Variants in DNMT3B observed in about 807,000 individuals in gnomAD.
The protein encoded by DNMT3B is DNA (cytosine-5)-methyltransferase 3B.
Under a neutral mutation model 120.2 loss-of-function variants are expected in DNMT3B, and 37 were observed. The ratio of observed to expected loss-of-function variants is 0.31; its 90% confidence interval spans 0.24 to 0.40. DNMT3B has a LOEUF of 0.40. Among genes scored for constraint, DNMT3B ranks in the 10% least tolerant of loss-of-function variants. The pLI is 1.00. For synonymous variants in DNMT3B, 412 were observed against 442.8 expected (o/e 0.93, Z 0.87); for missense variants, 878 against 1,137.3 (o/e 0.77, Z 3.28).
At chr20:32,763,254 A>C (rs1987083829) in intron 1 of DNMT3B, among the ~76,000 whole-genome samples, 1 of 152,206 alleles carries the variant, frequency 6.6e-6, no homozygotes, top group African/African-American at 2.4e-5. Context: ...TCCCAGCTTT[A>C]GGAAAGAGCT....
chr20:32,780,191 A>G (rs966576839), intron 1 of DNMT3B, 127 bp from the exon 2 acceptor site: 4 of 1,613,094 alleles, frequency 2.5e-6, no homozygotes, highest in Non-Finnish European at 3.4e-6. Flanking sequence ...GTACTTGGGC[A>G]AGAGCATCAC....
Position 32,773,008 on chromosome 20 carries a change from G to A in DNMT3B, c.-6-7310G>A, listed in dbSNP as rs375595945. ...TAATTTTGTATTTTTAGTAGAGAGC[G>A]GGGTTTCTCCATGTTGGTCAGGCTG... On this transcript the variant is annotated intron_variant, in intron 1 of 22. Coordinates refer to ENST00000328111, the MANE Select transcript of DNMT3B (RefSeq NM_006892.4). 1.4e-4 allele frequency among the ~76,000 whole-genome samples: 22 copies of A among 151,810 alleles called. No homozygotes were observed. In the East Asian group the frequency reaches 2.1e-3, roughly 15 times the overall value.
At chr20:32,782,280 G>A (rs1978717959) in intron 3 of DNMT3B, among the ~76,000 whole-genome samples, 1 of 152,212 alleles carries the variant, frequency 6.6e-6, no homozygotes, top group Non-Finnish European at 1.5e-5. Flanking sequence ...GGAGCATTGA[G>A]CCTATAGCAA....
chr20:32,800,357 C>T, intron 17 of DNMT3B, 59 bp downstream of exon 17: 1 of 1,610,992 alleles, frequency 6.2e-7, no homozygotes, highest in Non-Finnish European at 8.5e-7. Context: ...CCCAGTCCTC[C>T]ACACCCTGAA....
chr20:32,762,976 C>T (rs929305428), intron 1 of DNMT3B, among the ~76,000 whole-genome samples: 2 of 152,088 alleles, frequency 1.3e-5, no homozygotes, highest in Non-Finnish European at 2.9e-5. Context: ...CGTCTGCTGC[C>T]TCCAGGAGCC....
chr20:32,806,093 G>A (rs1981948811), intron 21 of DNMT3B, 116 bp from the exon 22 acceptor site: 1 of 946,648 alleles, frequency 1.1e-6, no homozygotes, highest in Admixed American at 1.7e-5. Flanking sequence ...TCCCAGCCCT[G>A]CCACTCTTCT....
rs777676882 is a variant in DNMT3B, at chr20:32,800,160, A to C, written c.1767A>C (p.Leu589=). The C allele has an allele frequency of 5.0e-6, 8 of 1,614,122 alleles. No homozygotes were observed. The highest frequency in any genetic ancestry group is 2.7e-5 in the African/African-American group (2 of 74,938). Residue 589 remains leucine (L), a synonymous_variant, in exon 17 of 23, where the codon CTA becomes CTC. Coordinates refer to ENST00000328111, the MANE Select transcript of DNMT3B (RefSeq NM_006892.4). ...TCTCTCTGGCCCCCACAGGCTACCT[A>C]GTCCTCAAAGAGTTGGGCATAAAGG... ...SLFDGIATGY[L]VLKELGIKVG... is the part of the protein sequence containing the mutation.
chr20:32,798,164 A>T (rs1980870752), intron 14 of DNMT3B, among the ~76,000 whole-genome samples: 1 of 152,106 alleles, frequency 6.6e-6, no homozygotes, highest in Non-Finnish European at 1.5e-5. Context: ...GGTGTCAGGG[A>T]AGGCTAATTC....
At chr20:32,769,893 C>T (rs1987616221) in intron 1 of DNMT3B, among the ~76,000 whole-genome samples, 1 of 152,162 alleles carries the variant, frequency 6.6e-6, no homozygotes, top group East Asian at 1.9e-4. Flanking sequence ...GGTTCTTTTA[C>T]TTATTGTGAG....
intron 16 of DNMT3B, among the ~76,000 whole-genome samples, 197 bp downstream of exon 16, chr20:32,799,525 T>C (rs537604465): frequency 6.6e-6 from 1 of 152,106 alleles, no homozygotes; most frequent in African/African-American, 2.4e-5. Context: ...GAGTTTTATT[T>C]ATTTATTTTT....
At chr20:32,770,402 C>T (rs567133750) in intron 1 of DNMT3B, among the ~76,000 whole-genome samples, 20 of 152,144 alleles carry the variant, frequency 1.3e-4, no homozygotes, top group Non-Finnish European at 2.5e-4. Context: ...GATTCTCCTG[C>T]CTCAGCCTCC....
intron 1 of DNMT3B, among the ~76,000 whole-genome samples, chr20:32,768,534 C>G (rs1987526306): frequency 6.6e-6 from 1 of 151,922 alleles, no homozygotes; most frequent in Admixed American, 6.6e-5. Context: ...GGTATGTTGC[C>G]CAGGCTGGTC....
In DNMT3B at chr20:32,781,405, C is replaced by G. The variant is rs1481782651; in HGVS notation, c.195C>G (p.Ser65Arg). The G allele has an allele frequency of 6.2e-7, 1 of 1,614,200 alleles. No homozygotes were observed. Residue 65 changes from serine (S) to arginine (R), a missense_variant, in exon 3 of 23, where the codon AGC (serine) becomes AGG (arginine). Transcript: ENST00000328111. ...LSKREVSSLL[S>R]YTQDLTGDGD... ...AGAGGGAGGTGTCCAGTCTGCTAAGCTACACACAGGTATGGTCTCTGCTCT... is the reference window on the plus strand; with the variant it reads ...AGAGGGAGGTGTCCAGTCTGCTAAGGTACACACAGGTATGGTCTCTGCTCT...
At chr20:32,797,330 G>T (rs1330546886) in intron 14 of DNMT3B, 31 bp downstream of exon 14, 1 of 1,606,176 alleles carries the variant, frequency 6.2e-7, no homozygotes, top group Non-Finnish European at 8.5e-7. Context: ...GGTGGATGTG[G>T]GTGGGCCCCC....
chr20:32,797,605 C>A (rs142620922), intron 14 of DNMT3B, among the ~76,000 whole-genome samples: 3 of 152,194 alleles, frequency 2.0e-5, no homozygotes, highest in African/African-American at 7.2e-5. Context: ...GCAATCCTCC[C>A]ACCTCAGCCT....
At chr20:32,774,508 CTTTTTTT>C (rs386393640) in intron 1 of DNMT3B, among the ~76,000 whole-genome samples, 3 of 98,512 alleles carry the variant, frequency 3.0e-5, no homozygotes, top group Admixed American at 1.2e-4. Flanking sequence ...CGCGCCTGGC[CTTTTTTT>C]TTTTTTTTTT....
chr20:32,795,590 A>G, intron 11 of DNMT3B, 56 bp downstream of exon 11: 1 of 1,614,232 alleles, frequency 6.2e-7, no homozygotes, highest in South Asian at 1.1e-5. Flanking sequence ...GCTGCAGATC[A>G]GGAATTGATC....
rs1978475664 is a variant in DNMT3B, at chr20:32,780,478, T to G, written c.142+13T>G. On this transcript the variant is annotated intron_variant, in intron 2 of 22. Transcript: ENST00000328111. ...CCGGAGATCAGAGGTGGCTGGGCAGTGGGGACTGGGGTGGTGTCAGGCGCT... is the reference window on the plus strand; with the variant it reads ...CCGGAGATCAGAGGTGGCTGGGCAGGGGGGACTGGGGTGGTGTCAGGCGCT... 6.2e-7 allele frequency: 1 copy of G among 1,610,540 alleles called. No individual in the cohort carries two copies.
intron 1 of DNMT3B, among the ~76,000 whole-genome samples, chr20:32,770,970 C>A (rs1038669824): frequency 2.0e-5 from 3 of 152,064 alleles, no homozygotes; most frequent in African/African-American, 7.2e-5. Context: ...ATCTTGAACT[C>A]CTGGGCTCAA....
Sources: allele counts gnomAD v4.1 joint callset (sites outside exome capture counted in the v4.1 genomes callset), GRCh38; gene constraint gnomAD v4.1.1; transcripts MANE v1.5; gene names NCBI Gene and HGNC (gene_info 2026-07-23, HGNC 2026-07-21).